The following KALRN variants were observed in gnomAD, a reference collection of about 807,000 sequenced individuals.
KALRN encodes the protein kalirin.
In KALRN, 70 loss-of-function variants were observed where a neutral mutation model predicts 353.7. The ratio of observed to expected loss-of-function variants is 0.20; its 90% CI spans 0.16 to 0.24. KALRN has a LOEUF of 0.24. KALRN is among the 10% of genes least tolerant of loss of function. The probability of loss-of-function intolerance (pLI) is 1.00; values close to 1 mark genes in which losing one functional copy is unlikely to be tolerated. For missense variants in KALRN, 2,791 were observed against 3,756.7 expected (o/e 0.74, Z 6.72); for synonymous variants, 1,391 against 1,434.8 (o/e 0.97, Z 0.69).
chr3:124,701,419 G>T (rs573900689), intron 56 of KALRN, among the ~76,000 whole-genome samples: 2 of 126,112 alleles, frequency 1.6e-5, no homozygotes, highest in African/African-American at 3.1e-5. Context: ...ACAGGGTCTC[G>T]CTCTGTCTCC....
At chr3:124,682,850 C>T (rs1221829604) in intron 51 of KALRN, among the ~76,000 whole-genome samples, 1 of 152,130 alleles carries the variant, frequency 6.6e-6, no homozygotes, top group Non-Finnish European at 1.5e-5. Flanking sequence ...CCTTTTCCTT[C>T]CCCTGCTTGT....
At chr3:124,106,765 T>TA (rs1436381457) in intron 1 of KALRN, among the ~76,000 whole-genome samples, 1 of 152,192 alleles carries the variant, frequency 6.6e-6, no homozygotes, top group Non-Finnish European at 1.5e-5. Context: ...GAAGCCAGAA[T>TA]AAAAAACTCC....
In KALRN at chr3:124,069,348, AGGAGGAGGAGGAGGAGG is replaced by A. The variant is rs1559899838; in HGVS notation, c.73+35536_73+35552del. On this transcript the variant is annotated intron_variant, in intron 1 of 59. Coordinates refer to ENST00000682506, the MANE Select transcript of KALRN (RefSeq NM_001388419.1). ...GAGGAGGAGGAGGAGGAGGAGGAGG[AGGAGGAGGAGGAGGAGG>A]AGGAGGAAATACTGAGGGAACCTGG... Among the ~76,000 whole-genome samples, 174 of 145,040 alleles carry A rather than the reference AGGAGGAGGAGGAGGAGG, an allele frequency of 1.2e-3. 5 individuals carry two copies. Among genetic ancestry groups the A allele is most frequent in the East Asian group, 2.4e-3 (11 of 4,652 alleles).
At chr3:124,292,966 C>T (rs2076547424) in intron 5 of KALRN, among the ~76,000 whole-genome samples, 1 of 152,168 alleles carries the variant, frequency 6.6e-6, no homozygotes, top group Non-Finnish European at 1.5e-5. Flanking sequence ...TAAAACTTGT[C>T]AAAGTTTATA....
At chr3:124,228,121 C>G in intron 2 of KALRN, 57 bp downstream of exon 2, 6 of 1,345,010 alleles carry the variant, frequency 4.5e-6, no homozygotes, top group Non-Finnish European at 6.4e-6. Flanking sequence ...TGTGTGTGCA[C>G]ATGTGTTCAG....
At chr3:124,399,725 T>C (rs1420766927) in intron 13 of KALRN, among the ~76,000 whole-genome samples, 1 of 152,222 alleles carries the variant, frequency 6.6e-6, no homozygotes, top group Admixed American at 6.5e-5. Context: ...CATTTGTTAG[T>C]TCATCTCATA....
intron 5 of KALRN, among the ~76,000 whole-genome samples, chr3:124,269,804 T>C (rs1031557816): frequency 3.3e-5 from 5 of 152,226 alleles, no homozygotes; most frequent in Non-Finnish European, 7.3e-5. Flanking sequence ...GCATCTCTCT[T>C]GACATGCAGG....
At chr3:124,407,362 T>C (rs552699712) in intron 13 of KALRN, among the ~76,000 whole-genome samples, 1 of 152,246 alleles carries the variant, frequency 6.6e-6, no homozygotes, top group African/African-American at 2.4e-5. Context: ...CAGTTAAACA[T>C]CCCTTCTTAT....
At chr3:124,075,336 C>T (rs1202136656) in intron 1 of KALRN, among the ~76,000 whole-genome samples, 1 of 152,212 alleles carries the variant, frequency 6.6e-6, no homozygotes, top group East Asian at 1.9e-4. Flanking sequence ...TTCTCATGCC[C>T]TCACTGCAGT....
chr3:124,530,793 C>T (rs2067977948), intron 33 of KALRN, among the ~76,000 whole-genome samples: 2 of 152,076 alleles, frequency 1.3e-5, no homozygotes, highest in African/African-American at 4.8e-5. Context: ...TAACTCTCTC[C>T]CTTTCTTAAC....
intron 33 of KALRN, among the ~76,000 whole-genome samples, chr3:124,549,832 A>T (rs986368156): frequency 6.6e-6 from 1 of 152,124 alleles, no homozygotes; most frequent in Non-Finnish European, 1.5e-5. Context: ...GAGATGGAAC[A>T]TTGCCCATCC....
At chr3:124,248,924 C>T (rs755363277) in intron 3 of KALRN, among the ~76,000 whole-genome samples, 2 of 152,234 alleles carry the variant, frequency 1.3e-5, no homozygotes, top group African/African-American at 2.4e-5. Context: ...TGGTTCCCTA[C>T]ACAGGAAGAG....
chr3:124,497,516 T>C (rs897706756), intron 33 of KALRN, among the ~76,000 whole-genome samples: 2 of 152,224 alleles, frequency 1.3e-5, no homozygotes, highest in Admixed American at 6.5e-5. Flanking sequence ...GCTGAAATTA[T>C]GGTGCCAAAT....
intron 10 of KALRN, among the ~76,000 whole-genome samples, chr3:124,366,761 T>G (rs1297486739): frequency 1.3e-5 from 2 of 152,038 alleles, no homozygotes; most frequent in East Asian, 3.9e-4. Flanking sequence ...GAGGGGCTCT[T>G]CACTTCCCAG....
chr3:124,378,100 A>G (rs1314684268), intron 10 of KALRN, among the ~76,000 whole-genome samples: 1 of 150,948 alleles, frequency 6.6e-6, no homozygotes, highest in Non-Finnish European at 1.5e-5. Context: ...TTTCTTTTCT[A>G]TTTGTTTCAT....
intron 1 of KALRN, among the ~76,000 whole-genome samples, chr3:124,117,575 C>T (rs907253483): frequency 1.3e-5 from 2 of 151,800 alleles, no homozygotes; most frequent in African/African-American, 4.8e-5. Context: ...ATAATGCACT[C>T]TTGTGTTAAT....
intron 51 of KALRN, among the ~76,000 whole-genome samples, chr3:124,688,735 TAAC>T (rs2061673891): frequency 6.6e-6 from 1 of 151,884 alleles, no homozygotes; most frequent in Non-Finnish European, 1.5e-5. Context: ...TGGAGTCAGT[TAAC>T]AACTCATTTT....
intron 9 of KALRN, among the ~76,000 whole-genome samples, chr3:124,337,785 T>G (rs28883070): frequency 0.2 from 30,472 of 152,068 alleles, 5,508 homozygotes; most frequent in African/African-American, 0.48. Flanking sequence ...GACGTTTTTT[T>G]GTTGGTAGAC....
At chr3:124,335,259 A>G (rs2081021064) in intron 9 of KALRN, among the ~76,000 whole-genome samples, 1 of 152,120 alleles carries the variant, frequency 6.6e-6, no homozygotes, top group Non-Finnish European at 1.5e-5. Flanking sequence ...GAAACTTCAG[A>G]GGATTCCTTG....
Sources: gnomAD v4.1 joint callset for allele counts (sites outside exome capture counted in the v4.1 genomes callset) on GRCh38, gnomAD v4.1.1 for gene constraint, MANE v1.5 for transcripts, NCBI Gene and HGNC (gene_info 2026-07-23, HGNC 2026-07-21) for gene names.